Variants in SAMD4B observed in about 807,000 individuals in gnomAD.
The protein encoded by SAMD4B is sterile alpha motif domain containing 4B.
SAMD4B carries 5 observed loss-of-function variants against 74.5 expected under a neutral mutation model. The ratio of observed to expected loss-of-function variants is 0.07; its 90% CI spans 0.04 to 0.14. SAMD4B has a LOEUF of 0.14. Among genes scored for constraint, SAMD4B ranks in the 10% least tolerant of loss-of-function variants. The pLI is 1.00. For missense variants in SAMD4B, 608 were observed against 921.8 expected, an observed-to-expected ratio of 0.66 and a Z score of 4.41; for synonymous variants, 373 against 374.9, an observed-to-expected ratio of 1.00 and a Z score of 0.06.
chr19:39,377,334 G>T, intron 7 of SAMD4B, 151 bp from the exon 8 acceptor site: 1 of 588,190 alleles, frequency 1.7e-6, no homozygotes. Flanking sequence ...TATGTTTGTG[G>T]GCTTGCAGTA....
chr19:39,389,381 G>C, downstream of SAMD4B: 1 of 1,614,084 alleles, frequency 6.2e-7, no homozygotes, highest in Non-Finnish European at 8.5e-7. The surrounding 1 kb of genome is among the most constrained non-coding windows in gnomAD (Gnocchi z 5.3). Context: ...GTGCTGCTGG[G>C]ATCTGGGGTG....
At chr19:39,344,867 G>T (rs2075597980) in intron 1 of SAMD4B, among the ~76,000 whole-genome samples, 1 of 152,060 alleles carries the variant, frequency 6.6e-6, no homozygotes, top group Admixed American at 6.6e-5. Context: ...CAGAGATCAA[G>T]AGACCCTTAA....
At chr19:39,357,221 T>C in intron 3 of SAMD4B, 132 bp downstream of exon 3, 1 of 683,914 alleles carries the variant, frequency 1.5e-6, no homozygotes, top group Non-Finnish European at 2.4e-6. Flanking sequence ...GGGGAGTTCC[T>C]TACCTTCTAA....
At position 39,351,991 on chromosome 19, in the gene SAMD4B, C is replaced by G. The variant is rs559776844; in HGVS notation, c.-266-2015C>G. 5 of 152,402 alleles carry G rather than the reference C, an allele frequency of 3.3e-5. No individual in the cohort carries two copies. In the South Asian group the frequency reaches 1.0e-3, roughly 32 times the overall value. 9.4% of individuals were successfully genotyped at this position (152,402 alleles called of 1,614,324 possible). On this transcript the variant is annotated intron_variant, in intron 1 of 13. Coordinates refer to ENST00000610417, the MANE Select transcript of SAMD4B (RefSeq NM_001384574.2). The stretch of plus-strand genomic sequence containing the variant: ...AGTGAGATGCCTCACCCAGGTCTCC[C>G]TCTGTCACTTCAGCCAAGCACATGG...
At chr19:39,379,908 A>AGG in intron 9 of SAMD4B, 58 bp from the exon 10 acceptor site, 1 of 1,366,558 alleles carries the variant, frequency 7.3e-7, no homozygotes, top group Non-Finnish European at 1.0e-6. Context: ...GAAGACTGGA[A>AGG]GGGAGGTCTG....
intron 7 of SAMD4B, 63 bp from the exon 8 acceptor site, chr19:39,377,422 A>G: frequency 1.4e-6 from 2 of 1,382,480 alleles, no homozygotes; most frequent in Non-Finnish European, 2.0e-6. Context: ...CTCTCTGTGT[A>G]GATACTCTCT....
At chr19:39,343,727 G>C (rs1568339117) in intron 1 of SAMD4B, among the ~76,000 whole-genome samples, 2 of 151,530 alleles carry the variant, frequency 1.3e-5, no homozygotes, top group East Asian at 3.9e-4. Context: ...TATTCCAAAA[G>C]CTTCTTCCAA....
At chr19:39,367,499 T>C (rs984002048) in intron 3 of SAMD4B, among the ~76,000 whole-genome samples, 1 of 148,750 alleles carries the variant, frequency 6.7e-6, no homozygotes, top group African/African-American at 2.5e-5. Context: ...GGTTTTTTTT[T>C]TCTTTTTCTT....
chr19:39,389,701 C>G, downstream of SAMD4B: 5 of 1,614,162 alleles, frequency 3.1e-6, no homozygotes, highest in Non-Finnish European at 4.2e-6. This position sits in a 1 kb window ranked among gnomAD's most constrained non-coding sequence, Gnocchi z 5.3. Flanking sequence ...CCAGGTCTGG[C>G]TCAGTCAGGA....
downstream of SAMD4B, chr19:39,390,211 T>C (rs751438287): frequency 2.7e-5 from 43 of 1,612,676 alleles, no homozygotes; most frequent in Non-Finnish European, 3.6e-5. Context: ...CCACCTCTGC[T>C]CCCAGCCCCA....
chr19:39,390,251 G>A (rs1271236500), downstream of SAMD4B: 2 of 1,613,820 alleles, frequency 1.2e-6, no homozygotes, highest in South Asian at 2.2e-5. Flanking sequence ...AAAGCACAGT[G>A]GGGCTCACCT....
chr19:39,386,354 A>G (rs769715236), downstream of SAMD4B: 8 of 1,613,946 alleles, frequency 5.0e-6, no homozygotes, highest in Non-Finnish European at 5.9e-6. The surrounding 1 kb of genome is among the most constrained non-coding windows in gnomAD (Gnocchi z 6.1). Context: ...CCGAGTGCTC[A>G]TCTTCACTGC....
intron 1 of SAMD4B, among the ~76,000 whole-genome samples, chr19:39,353,747 G>T (rs988453682): frequency 2.6e-5 from 4 of 151,990 alleles, no homozygotes; most frequent in African/African-American, 7.3e-5. Context: ...GACTACAGGC[G>T]CCCGCCACCA....
At chr19:39,386,452 G>C, downstream of SAMD4B, 2 of 1,614,044 alleles carry the variant, frequency 1.2e-6, no homozygotes, top group Non-Finnish European at 1.7e-6. This position sits in a 1 kb window ranked among gnomAD's most constrained non-coding sequence, Gnocchi z 6.1. Context: ...CCCTCCCAGG[G>C]CTCCCAGAGT....
At position 39,380,693 on chromosome 19, in the gene SAMD4B, G is replaced by A. The variant is rs768979433; in HGVS notation, c.1756G>A (p.Gly586Ser). Residue 586 changes from glycine (G) to serine (S), a missense_variant, in exon 11 of 14, where the codon GGC (glycine) becomes AGC (serine). By Grantham distance (56) the Gly-to-Ser change is moderately conservative. Around this residue, in one of 9 missense-constraint regions of SAMD4B, gnomAD observed 167 missense variants for 193.0 expected, o/e 0.87. Transcript: ENST00000610417. ...AATGCCTCCCCGGGCCCTCCCACCC[G>A]GCCGGATGGGCCTCCTGAGCCCCTC... ...FPMPPRALPP[G>S]RMGLLSPSGI... 1.9e-5 allele frequency: 31 copies of A among 1,612,632 alleles called. No individual in the cohort carries two copies. The highest frequency in any genetic ancestry group is 2.7e-5 in the African/African-American group (2 of 74,916).
At chr19:39,374,521 T>C (rs1221984570) in intron 4 of SAMD4B, among the ~76,000 whole-genome samples, 1 of 152,188 alleles carries the variant, frequency 6.6e-6, no homozygotes, top group Non-Finnish European at 1.5e-5. Context: ...CTGTCACAGG[T>C]CTTCTATTCT....
chr19:39,356,845 C>G lies in SAMD4B; in HGVS notation c.-49C>G. 2 of 1,506,482 alleles carry G rather than the reference C, an allele frequency of 1.3e-6. No homozygotes were observed. Among genetic ancestry groups the G allele is most frequent in the East Asian group, 2.3e-5 (1 of 43,204 alleles). 93.3% of individuals were successfully genotyped at this position (1,506,482 alleles called of 1,614,324 possible). On this transcript the variant is annotated 5_prime_UTR_variant, in exon 3 of 14. Transcript: ENST00000610417. ...CCAGAGCCGGGACCATGTGACGGCGCTGGCCCTCGCCACCGCCGTCCCCCG... is the reference window on the plus strand; with the variant it reads ...CCAGAGCCGGGACCATGTGACGGCGGTGGCCCTCGCCACCGCCGTCCCCCG...
At chr19:39,379,760 G>A (rs895289019) in intron 9 of SAMD4B, among the ~76,000 whole-genome samples, 1 of 152,044 alleles carries the variant, frequency 6.6e-6, no homozygotes, top group Non-Finnish European at 1.5e-5. Flanking sequence ...TAGTAGAGGT[G>A]GGGTTTCACC....
intron 1 of SAMD4B, chr19:39,350,692 T>C (rs1329915587): frequency 6.6e-6 from 1 of 152,026 alleles, no homozygotes; most frequent in East Asian, 1.9e-4. Context: ...TTTCACCGTG[T>C]TGGCCAGGCT....
Sources: allele counts gnomAD v4.1 joint callset (sites outside exome capture counted in the v4.1 genomes callset), GRCh38; gene constraint gnomAD v4.1.1; regional missense constraint gnomAD v4.1.1; non-coding constraint Gnocchi (gnomAD v3.1); transcripts MANE v1.5; gene names NCBI Gene and HGNC (gene_info 2026-07-23, HGNC 2026-07-21).